STMND1: variants seen among roughly 807,000 people sequenced by gnomAD.
STMND1 encodes the protein stathmin domain containing 1, also known as stathmin domain-containing protein 1.
A neutral mutation model predicts 23.0 loss-of-function variants in STMND1; 17 were observed. That is an observed-to-expected ratio of 0.74 (90% CI 0.51 to 1.11). STMND1 has a LOEUF of 1.11. Ranked by LOEUF, STMND1 falls within the 50% of genes least tolerant of loss-of-function variation. The pLI is 0.00. For missense variants in STMND1, 305 were observed against 329.1 expected, an observed-to-expected ratio of 0.93 and a Z score of 0.57; for synonymous variants, 114 against 119.9, an observed-to-expected ratio of 0.95 and a Z score of 0.32.
chr6:17,113,813 T>C (rs1310943090), intron 1 of STMND1, among the ~76,000 whole-genome samples: 2 of 152,144 alleles, frequency 1.3e-5, no homozygotes, highest in Non-Finnish European at 2.9e-5. Context: ...TTCGTTATTA[T>C]AAATTGTTTT....
chr6:17,128,939 C>T (rs1236363767), intron 3 of STMND1, 173 bp from the exon 4 acceptor site: 12 of 532,402 alleles, frequency 2.3e-5, no homozygotes, highest in Middle Eastern at 5.4e-4. Flanking sequence ...CCTCAAACTC[C>T]GGAGCTCAAG....
intron 1 of STMND1, among the ~76,000 whole-genome samples, chr6:17,113,624 G>A (rs1761121861): frequency 6.7e-6 from 1 of 149,350 alleles, no homozygotes; most frequent in Admixed American, 6.7e-5. Context: ...TTTACAATAA[G>A]TCTGCATCAC....
intron 4 of STMND1, 49 bp from the exon 5 acceptor site, chr6:17,130,545 T>G: frequency 1.5e-6 from 2 of 1,373,502 alleles, no homozygotes; most frequent in Non-Finnish European, 1.9e-6. Context: ...AATCACAACT[T>G]GGAGAAAGTT....
intron 1 of STMND1, among the ~76,000 whole-genome samples, chr6:17,106,345 A>T (rs1761025019): frequency 6.6e-6 from 1 of 152,154 alleles, no homozygotes; most frequent in Non-Finnish European, 1.5e-5. Context: ...CTCCTTGAGG[A>T]CAGGCACTGT....
Position 17,130,754 on chromosome 6 carries a change from G to A in STMND1, c.704G>A (p.Gly235Glu), listed in dbSNP as rs770130540. 1.9e-5 allele frequency: 29 copies of A among 1,535,964 alleles called. No individual in the cohort carries two copies. The East Asian group carries it at 7.1e-4, about 38-fold the overall frequency. The change falls in exon 5 of 5, where the codon GGA becomes GAA. Residue 235 changes from glycine to glutamate, a missense_variant. By Grantham distance (98) the Gly-to-Glu change is moderately conservative (BLOSUM62 -2). Coordinates refer to ENST00000536551, the MANE Select transcript of STMND1 (RefSeq NM_001190766.2). ...TTTGAACCATCTGACCTGCAGGGAG[G>A]AAAACCATTGAAGAGGAAGAAGAGT... ...AGFEPSDLQG[G>E]KPLKRKKSKC...
At chr6:17,119,398 C>A (rs1398460623) in intron 2 of STMND1, among the ~76,000 whole-genome samples, 1 of 152,066 alleles carries the variant, frequency 6.6e-6, no homozygotes, top group Non-Finnish European at 1.5e-5. Context: ...GGTCTCACTG[C>A]TAACCATTGA....
chr6:17,129,661 G>C (rs940945391), intron 4 of STMND1, among the ~76,000 whole-genome samples: 1 of 152,064 alleles, frequency 6.6e-6, no homozygotes, highest in African/African-American at 2.4e-5. Flanking sequence ...TGGCTAACAC[G>C]GTGAAACCCC....
At chr6:17,109,660 C>G (rs923172049) in intron 1 of STMND1, among the ~76,000 whole-genome samples, 3 of 152,160 alleles carry the variant, frequency 2.0e-5, no homozygotes, top group Non-Finnish European at 4.4e-5. Context: ...CAAACTGAAG[C>G]TCTGAGAGGT....
chr6:17,118,920 C>T (rs139484362), intron 2 of STMND1, among the ~76,000 whole-genome samples: 5 of 152,238 alleles, frequency 3.3e-5, no homozygotes, highest in African/African-American at 9.6e-5. Context: ...TTGCATTTGA[C>T]GTCATACAGC....
Position 17,120,743 on chromosome 6 carries a change from A to C in STMND1, c.396A>C (p.Glu132Asp). The part of the protein sequence containing the change: ...QSHSKVFRNG[E>D]SYDVTLTTTE... ...ACAGCAAAGTATTTAGAAATGGAGA[A>C]TCATATGATGTCACGGCAAGTAATT... The change falls in exon 3 of 5, where the codon GAA becomes GAC. Residue 132 changes from glutamate to aspartate, a missense_variant. Physicochemically the swap from Glu to Asp is conservative, Grantham distance 45 (BLOSUM62 2). Transcript: ENST00000536551. The C allele has an allele frequency of 6.5e-7, 1 of 1,529,826 alleles. No individual in the cohort carries two copies. Among genetic ancestry groups the C allele is most frequent in the Non-Finnish European group, 8.7e-7 (1 of 1,145,016 alleles). The allele number at this position is 1,529,826 out of a possible 1,614,324, so 94.8% of individuals were successfully genotyped here.
chr6:17,110,055 C>T (rs913066096), intron 1 of STMND1, among the ~76,000 whole-genome samples: 2 of 152,194 alleles, frequency 1.3e-5, no homozygotes, highest in African/African-American at 2.4e-5. Context: ...AATATGATTC[C>T]ATCTCCCTGT....
chr6:17,102,149 A>C lies in STMND1; in HGVS notation c.-109A>C. 8.9e-7 allele frequency: 1 copy of C among 1,126,930 alleles called. No individual in the cohort carries two copies. Among genetic ancestry groups the C allele is most frequent in the Non-Finnish European group, 1.2e-6 (1 of 857,918 alleles). The allele number at this position is 1,126,930 out of a possible 1,614,324, so 69.8% of individuals were successfully genotyped here. A position where few individuals can be genotyped will look rare whatever the true frequency, so the allele number is the denominator to read the frequency against. On this transcript the variant is annotated 5_prime_UTR_variant, in exon 1 of 5. Coordinates refer to ENST00000536551, the MANE Select transcript of STMND1 (RefSeq NM_001190766.2). The stretch of plus-strand genomic sequence containing the variant: ...CGCCCGAGCGCAGTAGCAGGGGCGT[A>C]GGGCGCAGGGCGCAGGAGCGCGGGA...
chr6:17,114,791 C>G lies in STMND1; in HGVS notation c.82-171C>G, dbSNP rs149882926. Among the ~76,000 whole-genome samples, 684 of 152,218 alleles carry G rather than the reference C, an allele frequency of 4.5e-3. 1 individual carries two copies. The highest frequency in any genetic ancestry group is 7.9e-3 in the Admixed American group (121 of 15,300). On this transcript the variant is annotated intron_variant, in intron 1 of 4. Transcript: ENST00000536551. ...AGCCCAGTTCCTAACAGGCCACGGA[C>G]CAGTACTGGTATGTGGCCCAGGGGG...
At chr6:17,115,392 A>AAG (rs1554148415) in intron 2 of STMND1, among the ~76,000 whole-genome samples, 3 of 151,560 alleles carry the variant, frequency 2.0e-5, no homozygotes, top group Non-Finnish European at 4.4e-5. Context: ...AAAAAAAAAA[A>AAG]AAGAACTAAG....
At chr6:17,129,597 C>A (rs1168874289) in intron 4 of STMND1, among the ~76,000 whole-genome samples, 3 of 151,828 alleles carry the variant, frequency 2.0e-5, no homozygotes, top group Non-Finnish European at 4.4e-5. Flanking sequence ...GTAATCCCAG[C>A]ACTTTGGGAG....
intron 2 of STMND1, among the ~76,000 whole-genome samples, chr6:17,119,233 T>G (rs924881360): frequency 2.6e-5 from 4 of 152,264 alleles, no homozygotes; most frequent in African/African-American, 9.6e-5. Flanking sequence ...GATACTAAGA[T>G]AGGAGGAAAA....
chr6:17,129,626 C>G (rs1761360013), intron 4 of STMND1, among the ~76,000 whole-genome samples: 1 of 151,794 alleles, frequency 6.6e-6, no homozygotes, highest in Admixed American at 6.6e-5. Flanking sequence ...AGGCGGATCA[C>G]GAGGTCAGGA....
At chr6:17,126,070 ATTTTTTTTTTTTTT>A (rs1189845838) in intron 3 of STMND1, among the ~76,000 whole-genome samples, 3 of 20,530 alleles carry the variant, frequency 1.5e-4, no homozygotes, top group Non-Finnish European at 1.5e-4. Context: ...ATATATATAT[ATTTTTTTTTTTTTT>A]TTTTTTTTTT....
chr6:17,124,359 T>C (rs1761269122), intron 3 of STMND1, among the ~76,000 whole-genome samples: 1 of 152,230 alleles, frequency 6.6e-6, no homozygotes, highest in South Asian at 2.1e-4. Context: ...CAATAGTATA[T>C]TTACATACAA....
Sources: gnomAD v4.1 joint callset for allele counts (sites outside exome capture counted in the v4.1 genomes callset) on GRCh38, gnomAD v4.1.1 for gene constraint, MANE v1.5 for transcripts, NCBI Gene and HGNC (gene_info 2026-07-23, HGNC 2026-07-21) for gene names.